Variants in WWC1 observed in about 807,000 individuals in gnomAD.
WWC1 encodes the protein WW and C2 domain containing 1.
Under a neutral mutation model 138.4 loss-of-function variants are expected in WWC1, and 55 were observed. The ratio of observed to expected loss-of-function variants is 0.40; its 90% CI spans 0.32 to 0.50. The LOEUF is 0.50. Among genes scored for constraint, WWC1 ranks in the 20% least tolerant of loss-of-function variants. WWC1 has a pLI of 0.72. For synonymous variants in WWC1, 524 were observed against 564.9 expected, an observed-to-expected ratio of 0.93 and a Z score of 1.03; for missense variants, 1,226 against 1,420.4, an observed-to-expected ratio of 0.86 and a Z score of 2.20.
At chr5:168,331,254 A>G (rs1040162558) in intron 1 of WWC1, among the ~76,000 whole-genome samples, 2 of 152,236 alleles carry the variant, frequency 1.3e-5, no homozygotes, top group Non-Finnish European at 2.9e-5. Flanking sequence ...AGCAAGATTC[A>G]AAACAGTAGT....
chr5:168,358,735 A>G (rs1775646516), intron 1 of WWC1, among the ~76,000 whole-genome samples: 1 of 152,128 alleles, frequency 6.6e-6, no homozygotes, highest in African/African-American at 2.4e-5. Context: ...GAATTTTTGA[A>G]GTCTACTAAA....
intron 17 of WWC1, among the ~76,000 whole-genome samples, chr5:168,447,725 T>G (rs1755404036): frequency 6.6e-6 from 1 of 152,138 alleles, no homozygotes; most frequent in Non-Finnish European, 1.5e-5. Context: ...TGTATGTTCC[T>G]TTGTTAGTTT....
At position 168,368,313 on chromosome 5, in the gene WWC1, C is replaced by T. The variant is rs567057562; in HGVS notation, c.120-3111C>T. Among the ~76,000 whole-genome samples the T allele has an allele frequency of 5.6e-4, 86 of 152,214 alleles. 1 individual carries two copies. The South Asian group carries it at 0.011, about 19-fold the overall frequency. ...TATTCATTACATTATTCACCCATTG[C>T]ACAAATATTTATTGAGCACCAATTA... On this transcript the variant is annotated intron_variant, in intron 1 of 22. Coordinates refer to ENST00000265293, the MANE Select transcript of WWC1 (RefSeq NM_015238.3).
intron 17 of WWC1, among the ~76,000 whole-genome samples, chr5:168,452,850 C>T (rs1490151506): frequency 1.3e-5 from 2 of 152,134 alleles, no homozygotes; most frequent in African/African-American, 4.8e-5. Flanking sequence ...TTTGGAAGCC[C>T]TACCCTGGGT....
chr5:168,428,145 G>T lies in WWC1; in HGVS notation c.1919+4G>T. On this transcript the variant is annotated splice_donor_region_variant and intron_variant, in intron 12 of 22. Transcript: ENST00000265293. ...TGTACGAGGCTTCCGTGCAGAGGTA[G>T]GTGTCTGGGTGCTGGCTCTCTCTGT... The T allele has an allele frequency of 6.2e-7, 1 of 1,612,090 alleles. No individual in the cohort carries two copies.
intron 8 of WWC1, among the ~76,000 whole-genome samples, chr5:168,413,415 T>G (rs917068146): frequency 3.3e-5 from 5 of 152,194 alleles, no homozygotes; most frequent in African/African-American, 1.2e-4. Context: ...CACCTGGCAA[T>G]GTATAAAGGG....
chr5:168,323,263 A>T (rs1772264789), intron 1 of WWC1, among the ~76,000 whole-genome samples: 1 of 152,128 alleles, frequency 6.6e-6, no homozygotes, highest in African/African-American at 2.4e-5. Context: ...TATTCAAGTG[A>T]GGCTGGGTAC....
At chr5:168,344,536 A>T (rs921598310) in intron 1 of WWC1, among the ~76,000 whole-genome samples, 1 of 152,362 alleles carries the variant, frequency 6.6e-6, no homozygotes, top group African/African-American at 2.4e-5. Context: ...GTAGATGTAT[A>T]TGTGTGGGAT....
chr5:168,396,126 G>A lies in WWC1; in HGVS notation c.434-1598G>A, dbSNP rs368437976. ...TAGCCAGGTGCGGTGGCTCACGCCT[G>A]TAATCCCAGCACTTTGGGAGGCCCA... On this transcript the variant is annotated intron_variant, in intron 3 of 22. Coordinates refer to ENST00000265293, the MANE Select transcript of WWC1 (RefSeq NM_015238.3). 4.6e-5 allele frequency among the ~76,000 whole-genome samples: 7 copies of A among 152,028 alleles called. No homozygotes were observed. The East Asian group carries it at 1.4e-3, about 30-fold the overall frequency.
Position 168,458,571 on chromosome 5 carries a change from A to G in WWC1, c.2824-2079A>G, listed in dbSNP as rs565023878. ...AATTACCCTTCCTACAGCTCTCCTC[A>G]GCCCCCATGTATTCATCTGAAGTGC... On this transcript the variant is annotated intron_variant, in intron 19 of 22. Transcript: ENST00000265293. 2.0e-5 allele frequency among the ~76,000 whole-genome samples: 3 copies of G among 152,146 alleles called. No homozygotes were observed. In the South Asian group the frequency reaches 6.2e-4, roughly 32 times the overall value.
At chr5:168,327,433 G>C (rs1438176861) in intron 1 of WWC1, among the ~76,000 whole-genome samples, 3 of 152,216 alleles carry the variant, frequency 2.0e-5, no homozygotes, top group Non-Finnish European at 4.4e-5. Flanking sequence ...ACTTTTTGGG[G>C]CCTCCTTAGC....
intron 8 of WWC1, among the ~76,000 whole-genome samples, chr5:168,412,420 A>T (rs1004191021): frequency 4.6e-5 from 7 of 152,198 alleles, no homozygotes; most frequent in African/African-American, 1.7e-4. Flanking sequence ...TGTTTATCAG[A>T]TTCTTAAAAG....
At chr5:168,382,143 A>T (rs1366264261) in intron 2 of WWC1, among the ~76,000 whole-genome samples, 1 of 152,222 alleles carries the variant, frequency 6.6e-6, no homozygotes, top group Non-Finnish European at 1.5e-5. Flanking sequence ...CCCAAATACC[A>T]TAGCGTGGAA....
In WWC1 at chr5:168,292,199, G is replaced by A. The variant is rs535312961; in HGVS notation, c.47G>A (p.Arg16His). ...LPLPEGWEEA[R>H]DFDGKVYYID... is the part of the protein sequence containing the mutation. ...CTGCCGGAGGGCTGGGAGGAGGCGC[G>A]CGACTTCGACGGCAAGGTCTACTAC... The change falls in exon 1 of 23, where the codon CGC becomes CAC. Residue 16 changes from arginine to histidine, a missense_variant. Arg to His is a conservative substitution (Grantham distance 29, BLOSUM62 0). Transcript: ENST00000265293. This position sits in a 1 kb window ranked among gnomAD's most constrained non-coding sequence, Gnocchi z 4.4. 3.9e-5 allele frequency: 60 copies of A among 1,557,822 alleles called. No individual in the cohort carries two copies. In the South Asian group the frequency reaches 5.8e-4, roughly 15 times the overall value.
At chr5:168,330,105 G>T (rs1325736708) in intron 1 of WWC1, among the ~76,000 whole-genome samples, 2 of 152,126 alleles carry the variant, frequency 1.3e-5, no homozygotes, top group Admixed American at 6.5e-5. Flanking sequence ...GCGAGACCCT[G>T]TCTCAAAACA....
chr5:168,468,349 G>A (rs1757470801), intron 22 of WWC1, among the ~76,000 whole-genome samples: 1 of 152,082 alleles, frequency 6.6e-6, no homozygotes, highest in Admixed American at 6.6e-5. Context: ...TAGGATCTCA[G>A]GGAGGTGCTA....
intron 10 of WWC1, 39 bp downstream of exon 10, chr5:168,422,136 T>A (rs755270090): frequency 6.3e-7 from 1 of 1,592,406 alleles, no homozygotes; most frequent in Non-Finnish European, 8.6e-7. Flanking sequence ...CCCCTGGGCA[T>A]GGCCAGACAT....
At chr5:168,397,824 T>G in intron 4 of WWC1, 24 bp downstream of exon 4, 1 of 1,613,728 alleles carries the variant, frequency 6.2e-7, no homozygotes, top group South Asian at 1.1e-5. Flanking sequence ...ACCTATGCTA[T>G]GTGCTAGTGA....
intron 1 of WWC1, among the ~76,000 whole-genome samples, chr5:168,367,715 A>C (rs1371203454): frequency 6.6e-6 from 1 of 152,152 alleles, no homozygotes; most frequent in Non-Finnish European, 1.5e-5. Flanking sequence ...TGTGATGCCG[A>C]GCATGTTTTC....
Sources: allele counts gnomAD v4.1 joint callset (sites outside exome capture counted in the v4.1 genomes callset), GRCh38; gene constraint gnomAD v4.1.1; non-coding constraint Gnocchi (gnomAD v3.1); transcripts MANE v1.5; gene names NCBI Gene and HGNC (gene_info 2026-07-23, HGNC 2026-07-21).